The following DAB1 variants were observed in gnomAD, a reference collection of about 807,000 sequenced individuals.
DAB1 encodes the protein disabled homolog 1.
In DAB1, 15 loss-of-function variants were observed where a neutral mutation model predicts 64.6. The ratio of observed to expected loss-of-function variants is 0.23; its 90% CI spans 0.16 to 0.36. DAB1 has a LOEUF of 0.36. Ranked by LOEUF, DAB1 falls within the 10% of genes least tolerant of loss-of-function variation. The pLI, the probability that DAB1 is intolerant of heterozygous loss-of-function variation, is 1.00. For missense variants in DAB1, 596 were observed against 706.7 expected (o/e 0.84, Z 1.78); for synonymous variants, 235 against 251.9 (o/e 0.93, Z 0.64).
chr1:57,440,196 C>T (rs1685889039), intron 7 of DAB1, among the ~76,000 whole-genome samples: 1 of 152,170 alleles, frequency 6.6e-6, no homozygotes, highest in African/African-American at 2.4e-5. Flanking sequence ...CTGTATTTTA[C>T]CTACTTCTAA....
At chr1:57,786,346 A>T (rs1174871001) in intron 6 of DAB1, among the ~76,000 whole-genome samples, 1 of 152,148 alleles carries the variant, frequency 6.6e-6, no homozygotes, top group Non-Finnish European at 1.5e-5. Flanking sequence ...GTACCAATAT[A>T]GATGCTATTA....
chr1:57,886,163 C>CTTTT (rs36101963), upstream of DAB1, among the ~76,000 whole-genome samples: 8 of 129,470 alleles, frequency 6.2e-5, no homozygotes, highest in African/African-American at 8.8e-5. Context: ...GCCTACTATT[C>CTTTT]TTTTTTTTTT....
At chr1:57,366,594 A>ATAACTTT (rs1449178337) in intron 1 of DAB1, among the ~76,000 whole-genome samples, 1 of 152,240 alleles carries the variant, frequency 6.6e-6, no homozygotes. Context: ...AAAGTAAATA[A>ATAACTTT]TAACTTTTAA....
intron 2 of DAB1, among the ~76,000 whole-genome samples, chr1:57,184,173 G>A (rs1402348053): frequency 6.6e-6 from 1 of 152,212 alleles, no homozygotes; most frequent in Non-Finnish European, 1.5e-5. Flanking sequence ...TAACAGGAGG[G>A]TCTTGGTACT....
rs561741356 is a variant in DAB1, at chr1:57,730,102, T to G, written n.552-80437A>C. On this transcript the variant is annotated intron_variant and non_coding_transcript_variant, in intron 6 of 20. Coordinates refer to the DAB1 transcript ENST00000485760. ...AAAGCACCAGTCATCAAATTCTAATTTCCTCTCAAACTGGGCACCTACTGG... is the reference window on the plus strand; with the variant it reads ...AAAGCACCAGTCATCAAATTCTAATGTCCTCTCAAACTGGGCACCTACTGG... Among the ~76,000 whole-genome samples, 25 of 152,276 alleles carry G rather than the reference T, an allele frequency of 1.6e-4. 2 individuals carry two copies. Among genetic ancestry groups the G allele is most frequent in the Admixed American group, 1.2e-3 (19 of 15,302 alleles).
intron 3 of DAB1, among the ~76,000 whole-genome samples, chr1:58,370,266 C>T (rs975197583): frequency 6.6e-6 from 1 of 151,956 alleles, no homozygotes; most frequent in Non-Finnish European, 1.5e-5. Flanking sequence ...GTCCTCAACA[C>T]ATAATGAGTG....
intron 1 of DAB1, among the ~76,000 whole-genome samples, chr1:57,353,595 T>C: frequency 6.6e-6 from 1 of 152,104 alleles, no homozygotes; most frequent in South Asian, 2.1e-4. Flanking sequence ...AGCATTCACT[T>C]CTATCTCATT....
At chr1:57,212,916 A>G (rs1385979303) in intron 2 of DAB1, among the ~76,000 whole-genome samples, 1 of 152,176 alleles carries the variant, frequency 6.6e-6, no homozygotes, top group Non-Finnish European at 1.5e-5. Flanking sequence ...TAAGGTACAG[A>G]AAAGGCAACA....
intron 5 of DAB1, among the ~76,000 whole-genome samples, chr1:58,046,847 C>G (rs1442906482): frequency 1.3e-5 from 2 of 152,168 alleles, no homozygotes; most frequent in Non-Finnish European, 2.9e-5. Flanking sequence ...CAGAGGTACA[C>G]TCTTTAAGTC....
At chr1:57,663,667 T>A (rs923620439) in intron 6 of DAB1, among the ~76,000 whole-genome samples, 2 of 152,150 alleles carry the variant, frequency 1.3e-5, no homozygotes, top group African/African-American at 4.8e-5. Flanking sequence ...CATTGCTCAA[T>A]GTTGAATAAT....
At chr1:57,834,591 T>A (rs973665460) in intron 1 of DAB1, among the ~76,000 whole-genome samples, 6 of 151,836 alleles carry the variant, frequency 4.0e-5, no homozygotes, top group East Asian at 1.9e-4. Context: ...ACACAGTTTT[T>A]TATATATATA....
At chr1:58,142,478 G>C (rs1024104048) in intron 5 of DAB1, among the ~76,000 whole-genome samples, 37 of 151,954 alleles carry the variant, frequency 2.4e-4, no homozygotes, top group African/African-American at 8.9e-4. Flanking sequence ...CTTCATCCTT[G>C]ATCTAGGGGA....
At chr1:58,159,982 A>C (rs1428780481) in intron 4 of DAB1, among the ~76,000 whole-genome samples, 1 of 152,236 alleles carries the variant, frequency 6.6e-6, no homozygotes, top group Non-Finnish European at 1.5e-5. Flanking sequence ...GAAGGAGGAA[A>C]TAAAAGAAGA....
chr1:57,885,927 T>C (rs1644214651), upstream of DAB1, among the ~76,000 whole-genome samples: 1 of 152,342 alleles, frequency 6.6e-6, no homozygotes, highest in Non-Finnish European at 1.5e-5. Context: ...ACAAATATAA[T>C]TAATTACAAG....
At chr1:58,185,733 G>GC (rs1357560667) in intron 4 of DAB1, among the ~76,000 whole-genome samples, 2 of 152,142 alleles carry the variant, frequency 1.3e-5, no homozygotes, top group African/African-American at 4.8e-5. Context: ...GCCTAGATAG[G>GC]CCACCCTCAA....
intron 2 of DAB1, among the ~76,000 whole-genome samples, chr1:57,290,609 T>C (rs537588683): frequency 5.9e-5 from 9 of 152,290 alleles, no homozygotes; most frequent in African/African-American, 1.4e-4. Context: ...AAACTTTGTA[T>C]ATTATGAGAA....
rs185429694 is a variant in DAB1, at chr1:57,198,132, C to A, written c.68-52703G>T. 2.0e-5 allele frequency among the ~76,000 whole-genome samples: 3 copies of A among 152,230 alleles called. No homozygotes were observed. The East Asian group carries it at 5.8e-4, about 29-fold the overall frequency. ...AATAAGGTGGAAGGATATTAAAATA[C>A]GAACTGGAAAAAATGAGAAGGGTTA... On this transcript the variant is annotated intron_variant, in intron 2 of 14. Coordinates refer to ENST00000371236, the MANE Select transcript of DAB1 (RefSeq NM_001365792.1).
chr1:58,250,572 C>A (rs1214209307), intron 4 of DAB1, among the ~76,000 whole-genome samples: 1 of 152,206 alleles, frequency 6.6e-6, no homozygotes, highest in Non-Finnish European at 1.5e-5. Context: ...AATAGGGGAG[C>A]CCCTCAGCAT....
chr1:57,078,636 A>T (rs953532168), intron 4 of DAB1, among the ~76,000 whole-genome samples: 2 of 152,192 alleles, frequency 1.3e-5, no homozygotes, highest in African/African-American at 4.8e-5. Context: ...TGTTGTTATG[A>T]GGATGAATAA....
Sources: gnomAD v4.1 joint callset for allele counts (sites outside exome capture counted in the v4.1 genomes callset) on GRCh38, gnomAD v4.1.1 for gene constraint, MANE v1.5 for transcripts, NCBI Gene and HGNC (gene_info 2026-07-23, HGNC 2026-07-21) for gene names.